Variants in NRG1 observed in about 807,000 individuals in gnomAD.
NRG1 encodes the protein pro-neuregulin-1, membrane-bound isoform.
In NRG1, 18 loss-of-function variants were observed where a neutral mutation model predicts 63.8. The observed-to-expected ratio is 0.28, with a 90% confidence interval of 0.19 to 0.42. The LOEUF is 0.42. NRG1 is among the 10% of genes least tolerant of loss of function. The probability of loss-of-function intolerance (pLI) is 1.00; values close to 1 mark genes in which losing one functional copy is unlikely to be tolerated. For missense variants in NRG1, 762 were observed against 814.7 expected (o/e 0.94, Z 0.79); for synonymous variants, 302 against 301.3 (o/e 1.00, Z -0.02).
At chr8:31,806,496 AC>A (rs2131747888) in intron 1 of NRG1, among the ~76,000 whole-genome samples, 1 of 152,278 alleles carries the variant, frequency 6.6e-6, no homozygotes, top group East Asian at 1.9e-4. Context: ...ATTAAAAAAA[AC>A]TGTAGAATAA....
intron 1 of NRG1, among the ~76,000 whole-genome samples, chr8:31,666,660 G>T (rs1400578729): frequency 6.6e-6 from 1 of 152,218 alleles, no homozygotes; most frequent in African/African-American, 2.4e-5. Flanking sequence ...ACTACTAGAA[G>T]ATTCTCAAAG....
At chr8:31,863,557 C>A (rs997431911) in intron 1 of NRG1, among the ~76,000 whole-genome samples, 2 of 152,130 alleles carry the variant, frequency 1.3e-5, no homozygotes, top group African/African-American at 2.4e-5. Flanking sequence ...AAAAATGTTT[C>A]TATTCAAGAA....
chr8:32,191,578 C>T (rs1459307888), intron 1 of NRG1, among the ~76,000 whole-genome samples: 1 of 152,152 alleles, frequency 6.6e-6, no homozygotes, highest in Non-Finnish European at 1.5e-5. Context: ...TTCCTTGCTT[C>T]CTTAGCAGAA....
chr8:32,242,335 G>A (rs1413616971), intron 1 of NRG1, among the ~76,000 whole-genome samples: 2 of 151,964 alleles, frequency 1.3e-5, no homozygotes. Flanking sequence ...TTAGGGGAGT[G>A]TGGTGGTGGG....
At chr8:32,280,691 G>GT (rs1174950316) in intron 1 of NRG1, among the ~76,000 whole-genome samples, 1,846 of 57,640 alleles carry the variant, frequency 0.032, 62 homozygotes, top group Middle Eastern at 0.059. Flanking sequence ...TTTTTTTTTT[G>GT]TTTTTTTTTT....
intron 1 of NRG1, among the ~76,000 whole-genome samples, chr8:32,263,651 A>G (rs572355854): frequency 6.6e-6 from 1 of 152,308 alleles, no homozygotes; most frequent in East Asian, 1.9e-4. Flanking sequence ...CTATATATAG[A>G]TTAACTTTTT....
chr8:31,999,645 A>G (rs539158115), intron 1 of NRG1, among the ~76,000 whole-genome samples: 1 of 152,124 alleles, frequency 6.6e-6, no homozygotes, highest in African/African-American at 2.4e-5. Context: ...ATTTATTCAG[A>G]TGTTTTGTAG....
intron 1 of NRG1, among the ~76,000 whole-genome samples, chr8:32,553,547 T>C (rs766076320): frequency 1.3e-5 from 2 of 152,152 alleles, no homozygotes; most frequent in Non-Finnish European, 2.9e-5. Flanking sequence ...TAGAGTGAGG[T>C]GCAACATAAT....
chr8:31,676,461 T>C (rs754962484), intron 1 of NRG1, among the ~76,000 whole-genome samples: 4 of 152,200 alleles, frequency 2.6e-5, no homozygotes, highest in Admixed American at 6.5e-5. Context: ...TCTCTTTCTT[T>C]TCCATTTCAT....
At chr8:31,721,837 G>T (rs1285960577) in intron 1 of NRG1, among the ~76,000 whole-genome samples, 1 of 152,012 alleles carries the variant, frequency 6.6e-6, no homozygotes, top group Non-Finnish European at 1.5e-5. Context: ...AATTGTGCTG[G>T]ATTTCTACTC....
At chr8:31,655,220 C>G (rs1805315884) in intron 1 of NRG1, among the ~76,000 whole-genome samples, 1 of 152,142 alleles carries the variant, frequency 6.6e-6, no homozygotes. Flanking sequence ...AGGCTTTGTA[C>G]TGATTTCTGG....
chr8:31,883,346 C>T (rs965954803), intron 1 of NRG1, among the ~76,000 whole-genome samples: 1 of 152,072 alleles, frequency 6.6e-6, no homozygotes, highest in Non-Finnish European at 1.5e-5. Context: ...TATAGTACAA[C>T]TTTTGTATGC....
intron 1 of NRG1, among the ~76,000 whole-genome samples, chr8:32,327,749 T>C (rs571106855): frequency 6.6e-6 from 1 of 152,348 alleles, no homozygotes; most frequent in South Asian, 2.1e-4. Context: ...GAGACCTTTA[T>C]AACAATTAAA....
intron 1 of NRG1, among the ~76,000 whole-genome samples, chr8:32,245,740 G>A (rs1184507296): frequency 6.6e-6 from 1 of 152,108 alleles, no homozygotes; most frequent in Non-Finnish European, 1.5e-5. Flanking sequence ...TCTTAAAGAT[G>A]ATAATTCACT....
chr8:32,631,336 C>G (rs1222999805), intron 5 of NRG1, among the ~76,000 whole-genome samples: 1 of 152,144 alleles, frequency 6.6e-6, no homozygotes, highest in East Asian at 1.9e-4. Context: ...ACCCCCAAGG[C>G]TCTCCTTTTT....
At chr8:31,919,379 G>A (rs1241606476) in intron 1 of NRG1, among the ~76,000 whole-genome samples, 2 of 144,882 alleles carry the variant, frequency 1.4e-5, no homozygotes. Flanking sequence ...GCAAGAAGGG[G>A]TTGTCATTCT....
chr8:32,059,241 T>G (rs1823462703), intron 1 of NRG1, among the ~76,000 whole-genome samples: 1 of 152,010 alleles, frequency 6.6e-6, no homozygotes, highest in Non-Finnish European at 1.5e-5. Flanking sequence ...ATTTTTTTAC[T>G]CTCTATCATA....
Position 32,602,456 on chromosome 8 carries a change from A to G in NRG1, c.279-3106A>G, listed in dbSNP as rs563574488. Among the ~76,000 whole-genome samples, 76 of 152,232 alleles carry G rather than the reference A, an allele frequency of 5.0e-4. 1 individual carries two copies. The highest frequency in any genetic ancestry group is 1.8e-3 in the African/African-American group (73 of 41,568). On this transcript the variant is annotated intron_variant, in intron 2 of 11. Coordinates refer to ENST00000356819, the Ensembl canonical transcript of NRG1. ...TTAAAATGTTAATTGCATTGGGTCA[A>G]GAAAGGGGTCTTTACATACAAACAC...
intron 1 of NRG1, among the ~76,000 whole-genome samples, chr8:31,730,375 T>G (rs1813901655): frequency 6.6e-6 from 1 of 152,132 alleles, no homozygotes. Context: ...AAAGATGTTC[T>G]AATGAGGGCT....
Sources: allele counts gnomAD v4.1 joint callset (sites outside exome capture counted in the v4.1 genomes callset), GRCh38; gene constraint gnomAD v4.1.1; transcripts MANE v1.5; gene names NCBI Gene and HGNC (gene_info 2026-07-23, HGNC 2026-07-21).